Variants in RANBP17 observed in about 807,000 individuals in gnomAD.
RANBP17 encodes the protein RAN binding protein 17, also known as ran-binding protein 17.
RANBP17 carries 158 observed loss-of-function variants against 141.2 expected under a neutral mutation model. The observed-to-expected ratio is 1.12, with a 90% CI of 0.98 to 1.28. The LOEUF (loss-of-function observed/expected upper bound fraction) is 1.28. Ranked by LOEUF, RANBP17 falls within the 50% of genes most tolerant of loss-of-function variation. The pLI, the probability that RANBP17 is intolerant of heterozygous loss-of-function variation, is 0.00. For synonymous variants in RANBP17, 430 were observed against 450.0 expected, an observed-to-expected ratio of 0.96 and a Z score of 0.56; for missense variants, 1,438 against 1,290.7, an observed-to-expected ratio of 1.11 and a Z score of -1.75.
chr5:170,978,318 T>C (rs1386051008), intron 14 of RANBP17, among the ~76,000 whole-genome samples: 11 of 152,154 alleles, frequency 7.2e-5, no homozygotes, highest in Non-Finnish European at 1.6e-4. Context: ...GGATATAGTC[T>C]ACCTTATGAC....
At chr5:171,256,787 C>T (rs116178264) in intron 24 of RANBP17, among the ~76,000 whole-genome samples, 2,306 of 151,960 alleles carry the variant, frequency 0.015, 24 homozygotes, top group Non-Finnish European at 0.023. Context: ...ATGATATGCC[C>T]ACCAACTAGA....
Position 171,241,155 on chromosome 5 carries a change from G to T in RANBP17, c.2637+13G>T, listed in dbSNP as rs1398139796. The stretch of plus-strand genomic sequence containing the variant: ...CAGTGACTTGCTAGTAAGCAATCAT[G>T]CATCATGGGAGTGTTTGTATGAAAT... On this transcript the variant is annotated intron_variant, in intron 23 of 27. Transcript: ENST00000523189. 6.3e-7 allele frequency: 1 copy of T among 1,589,960 alleles called. No homozygotes were observed. The highest frequency in any genetic ancestry group is 1.3e-5 in the African/African-American group (1 of 74,448).
chr5:171,269,524 T>C (rs1766961508), intron 25 of RANBP17, among the ~76,000 whole-genome samples: 1 of 152,146 alleles, frequency 6.6e-6, no homozygotes, highest in South Asian at 2.1e-4. Context: ...TTGGGGGTTA[T>C]TATTAGCAGG....
intron 14 of RANBP17, among the ~76,000 whole-genome samples, chr5:171,054,685 A>G (rs998486191): frequency 2.0e-5 from 3 of 152,108 alleles, no homozygotes; most frequent in Admixed American, 2.0e-4. Flanking sequence ...TAGAATGCCT[A>G]GCCTCCTGGG....
intron 1 of RANBP17, among the ~76,000 whole-genome samples, chr5:170,874,390 T>C (rs891773298): frequency 2.0e-5 from 3 of 152,184 alleles, no homozygotes; most frequent in African/African-American, 7.2e-5. Flanking sequence ...TCTTTGTTAA[T>C]TTTCTGTCTT....
At chr5:170,865,891 G>A (rs1049667226) in intron 1 of RANBP17, among the ~76,000 whole-genome samples, 4 of 152,190 alleles carry the variant, frequency 2.6e-5, no homozygotes, top group Admixed American at 2.0e-4. Context: ...GGCAACATCT[G>A]TGCAGGTTTC....
intron 5 of RANBP17, chr5:170,896,839 T>C (rs6880972): frequency 0.67 from 310,490 of 461,146 alleles, 108,394 homozygotes; most frequent in South Asian, 0.9. Context: ...CAAACAACAA[T>C]AACAAGAAAC....
At chr5:171,287,266 G>A (rs146014303) in intron 25 of RANBP17, among the ~76,000 whole-genome samples, 9 of 152,268 alleles carry the variant, frequency 5.9e-5, no homozygotes, top group South Asian at 2.1e-4. Flanking sequence ...CAAGGTGGGC[G>A]AGTCACCTGA....
At chr5:171,018,409 T>G (rs1780604227) in intron 14 of RANBP17, among the ~76,000 whole-genome samples, 1 of 152,226 alleles carries the variant, frequency 6.6e-6, no homozygotes, top group South Asian at 2.1e-4. Flanking sequence ...TTTTTCCATT[T>G]GTTTGTGTCC....
chr5:171,267,784 G>A lies in RANBP17; in HGVS notation c.2943+1937G>A, dbSNP rs1198379164. Among the ~76,000 whole-genome samples, 5 of 151,702 alleles carry A rather than the reference G, an allele frequency of 3.3e-5. No homozygotes were observed. The South Asian group carries it at 8.3e-4, about 25-fold the overall frequency. On this transcript the variant is annotated intron_variant, in intron 25 of 27. Coordinates refer to ENST00000523189, the MANE Select transcript of RANBP17 (RefSeq NM_022897.5). ...TCACACCACTGCACTCCAGCTTGGC[G>A]ACAGAGCTCCATCTCAAAAAAAAAA...
At position 171,258,452 on chromosome 5, in the gene RANBP17, G is replaced by T. The variant is rs533942350; in HGVS notation, c.2777-7229G>T. On this transcript the variant is annotated intron_variant, in intron 24 of 27. Coordinates refer to ENST00000523189, the MANE Select transcript of RANBP17 (RefSeq NM_022897.5). Reference sequence around the variant, plus strand: ...AATCTTGACCAACCAGAACTCAGCTGTAGGCATTGCATTACCTGACTTCAA... The same window carrying T: ...AATCTTGACCAACCAGAACTCAGCTTTAGGCATTGCATTACCTGACTTCAA... 3.2e-4 allele frequency among the ~76,000 whole-genome samples: 49 copies of T among 152,246 alleles called. No individual in the cohort carries two copies. In the South Asian group the frequency reaches 4.6e-3, roughly 14 times the overall value.
intron 12 of RANBP17, among the ~76,000 whole-genome samples, chr5:170,925,636 C>A (rs1380617683): frequency 3.9e-5 from 6 of 152,106 alleles, no homozygotes; most frequent in Non-Finnish European, 8.8e-5. Flanking sequence ...GTTCCTCTTT[C>A]CAAATCTGTC....
intron 14 of RANBP17, among the ~76,000 whole-genome samples, chr5:171,004,636 T>C (rs1349724880): frequency 6.6e-6 from 1 of 152,154 alleles, no homozygotes; most frequent in Non-Finnish European, 1.5e-5. Flanking sequence ...TCCAAGGCGA[T>C]GGGCAGCATC....
chr5:171,183,456 T>A, intron 18 of RANBP17, 26 bp downstream of exon 18: 1 of 1,444,932 alleles, frequency 6.9e-7, no homozygotes, highest in Non-Finnish European at 9.7e-7. Context: ...TAAACTCAAT[T>A]AATAAGGGAT....
At chr5:171,005,001 CCT>C (rs1561977882) in intron 14 of RANBP17, among the ~76,000 whole-genome samples, 1 of 152,092 alleles carries the variant, frequency 6.6e-6, no homozygotes, top group Non-Finnish European at 1.5e-5. Context: ...CTGGCTACCC[CCT>C]CTCTATTATT....
chr5:170,967,744 G>C (rs930077674), intron 13 of RANBP17, among the ~76,000 whole-genome samples: 1 of 151,468 alleles, frequency 6.6e-6, no homozygotes, highest in Non-Finnish European at 1.5e-5. Flanking sequence ...TATTCATTAA[G>C]GGCAGGATAT....
In RANBP17 at chr5:171,193,485, T is replaced by C. The variant is rs542756941; in HGVS notation, c.2039-6185T>C. On this transcript the variant is annotated intron_variant, in intron 18 of 27. Transcript: ENST00000523189. Reference sequence around the variant, plus strand: ...ATAAAGCTGACCTTTACTGACTATATTGGTTTTCTGTTATTATTGCTGTAA... The same window carrying C: ...ATAAAGCTGACCTTTACTGACTATACTGGTTTTCTGTTATTATTGCTGTAA... 2.0e-5 allele frequency among the ~76,000 whole-genome samples: 3 copies of C among 152,342 alleles called. No individual in the cohort carries two copies. In the South Asian group the frequency reaches 6.2e-4, roughly 32 times the overall value.
chr5:170,998,325 G>A (rs1778972549), intron 14 of RANBP17, among the ~76,000 whole-genome samples: 1 of 152,082 alleles, frequency 6.6e-6, no homozygotes, highest in African/African-American at 2.4e-5. Context: ...AAATCATTAG[G>A]AACACTCAGG....
At chr5:171,121,330 G>C (rs1373124952) in intron 14 of RANBP17, among the ~76,000 whole-genome samples, 1 of 152,244 alleles carries the variant, frequency 6.6e-6, no homozygotes, top group African/African-American at 2.4e-5. Context: ...CTGTGGGGCT[G>C]CTATTCAGGC....
Sources: allele counts gnomAD v4.1 joint callset (sites outside exome capture counted in the v4.1 genomes callset), GRCh38; gene constraint gnomAD v4.1.1; transcripts MANE v1.5; gene names NCBI Gene and HGNC (gene_info 2026-07-23, HGNC 2026-07-21).